Variants in FLNB observed in about 807,000 individuals in gnomAD.
The protein encoded by FLNB is filamin B, also known as filamin-B.
In FLNB, 111 loss-of-function variants were observed where a neutral mutation model predicts 250.6. The ratio of observed to expected loss-of-function variants is 0.44; its 90% CI spans 0.38 to 0.52. The LOEUF (loss-of-function observed/expected upper bound fraction) is 0.52. Ranked by LOEUF, FLNB falls within the 20% of genes least tolerant of loss-of-function variation. FLNB has a pLI of 0.00. For missense variants in FLNB, 2,869 were observed against 3,447.8 expected (o/e 0.83, Z 4.20); for synonymous variants, 1,302 against 1,372.1 (o/e 0.95, Z 1.13).
intron 27 of FLNB, among the ~76,000 whole-genome samples, chr3:58,135,595 T>C (rs112135567): frequency 0.014 from 2,163 of 152,290 alleles, 55 homozygotes; most frequent in African/African-American, 0.049. Flanking sequence ...TGCTAGGAAG[T>C]GGATTCCCAT....
intron 4 of FLNB, 80 bp from the exon 5 acceptor site, chr3:58,094,755 TC>T: frequency 8.6e-7 from 1 of 1,165,542 alleles, no homozygotes. Flanking sequence ...ATCTCTCAGT[TC>T]CCTGAAAGAG....
chr3:58,112,043 G>A, intron 17 of FLNB, 106 bp from the exon 18 acceptor site: 2 of 1,249,272 alleles, frequency 1.6e-6, no homozygotes, highest in Non-Finnish European at 1.2e-6. Flanking sequence ...CAGGCCCGTT[G>A]CTGGCTGTCA....
rs374686904 is a variant in FLNB at position 58,148,728 on chromosome 3, C to T, written c.5967C>T (p.Pro1989=). 4.3e-5 allele frequency: 69 copies of T among 1,613,970 alleles called. No individual in the cohort carries two copies. The highest frequency in any genetic ancestry group is 1.5e-4 in the South Asian group (14 of 91,080). The change falls in exon 36 of 46, where the codon CCC becomes CCT. Residue 1989 remains proline (P), a synonymous_variant. Transcript: ENST00000295956. The part of the protein sequence containing the change: ...KKNGNHVANS[P]VSIMVVQSEI... ...ATGGCAACCATGTGGCCAACAGCCC[C>T]GTGTCTATCATGGTGGTCCAGTCGG...
intron 37 of FLNB, 38 bp downstream of exon 37, chr3:58,150,040 G>A: frequency 1.2e-6 from 2 of 1,614,280 alleles, no homozygotes; most frequent in Non-Finnish European, 1.7e-6. Flanking sequence ...GGGATGCTTG[G>A]GTTTTCTGTA....
chr3:58,021,950 ATTT>A (rs1420853519), intron 1 of FLNB, among the ~76,000 whole-genome samples: 1 of 151,828 alleles, frequency 6.6e-6, no homozygotes, highest in African/African-American at 2.4e-5. Flanking sequence ...CTAATTTTGT[ATTT>A]TTTGTAGATT....
At chr3:58,102,168 GAA>G (rs755995764) in intron 8 of FLNB, 33 bp from the exon 9 acceptor site, 2 of 1,613,858 alleles carry the variant, frequency 1.2e-6, no homozygotes, top group Non-Finnish European at 1.7e-6. Flanking sequence ...ACTAAAGAAT[GAA>G]AGATTGAATT....
At chr3:58,100,196 T>C (rs1049618663) in intron 8 of FLNB, among the ~76,000 whole-genome samples, 3 of 151,996 alleles carry the variant, frequency 2.0e-5, no homozygotes, top group Admixed American at 6.6e-5. Flanking sequence ...TAAGAGAGCA[T>C]TTTGAATAGC....
Position 58,110,175 on chromosome 3 carries a change from G to C in FLNB, c.2484+5G>C. Reference sequence around the variant, plus strand: ...AAAGTTCTCTTTGCATCTCAGGTACGTGGTGGGGCCTGGGAGGAGATGGGT... The same window carrying C: ...AAAGTTCTCTTTGCATCTCAGGTACCTGGTGGGGCCTGGGAGGAGATGGGT... On this transcript the variant is annotated splice_donor_5th_base_variant and intron_variant, in intron 16 of 45. Transcript: ENST00000295956. 6.2e-7 allele frequency: 1 copy of C among 1,614,190 alleles called. No homozygotes were observed. Among genetic ancestry groups the C allele is most frequent in the Non-Finnish European group, 8.5e-7 (1 of 1,180,004 alleles).
At position 58,008,595 on chromosome 3, in the gene FLNB, G is replaced by A. The variant is rs772777005; in HGVS notation, c.31G>A (p.Asp11Asn). 1.9e-6 allele frequency: 3 copies of A among 1,608,876 alleles called. No homozygotes were observed. The Admixed American group carries it at 5.1e-5, about 27-fold the overall frequency. Residue 11 changes from aspartate (D) to asparagine (N), a missense_variant, in exon 1 of 46, where the codon GAC becomes AAC. Around this residue, in one of 5 missense-constraint regions of FLNB, gnomAD observed 308 missense variants for 466.1 expected, o/e 0.66. Transcript: ENST00000295956. The stretch of plus-strand genomic sequence containing the variant: ...GGTAACCGAGAAGGATCTAGCTGAG[G>A]ACGCGCCTTGGAAGAAGATCCAGCA... MPVTEKDLAE[D>N]APWKKIQQNT...
intron 4 of FLNB, among the ~76,000 whole-genome samples, chr3:58,091,707 A>G (rs1455817291): frequency 6.6e-6 from 1 of 152,180 alleles, no homozygotes; most frequent in East Asian, 1.9e-4. Flanking sequence ...TCAAAGACTC[A>G]ACATGGTACA....
chr3:58,035,401 T>C (rs1248056794), intron 1 of FLNB, among the ~76,000 whole-genome samples: 4 of 152,178 alleles, frequency 2.6e-5, no homozygotes, highest in South Asian at 2.1e-4. Flanking sequence ...TCTTAAAATA[T>C]CAGGTAACTT....
intron 1 of FLNB, among the ~76,000 whole-genome samples, chr3:58,072,432 C>T (rs1017736009): frequency 1.3e-5 from 2 of 152,188 alleles, no homozygotes; most frequent in African/African-American, 4.8e-5. Context: ...TAAGGTTCTG[C>T]TCCATGTTTT....
At chr3:58,084,191 CAAAA>C (rs771340069) in intron 4 of FLNB, among the ~76,000 whole-genome samples, 114 of 64,554 alleles carry the variant, frequency 1.8e-3, no homozygotes, top group African/African-American at 5.8e-3. Context: ...GACTCTGTCT[CAAAA>C]AAAAAAAAAA....
Position 58,137,778 on chromosome 3 carries a change from G to A in FLNB, c.4862-504G>A, listed in dbSNP as rs561511295. ...GCCCTTTGTCAGTGCGGCAACCCTG[G>A]GATATAAATTCTTAGAACCTTTGCC... On this transcript the variant is annotated intron_variant, in intron 28 of 45. Transcript: ENST00000295956. Among the ~76,000 whole-genome samples the A allele has an allele frequency of 6.2e-4, 95 of 152,174 alleles. 1 individual carries two copies. In the Middle Eastern group the frequency reaches 0.031, roughly 49 times the overall value.
intron 1 of FLNB, among the ~76,000 whole-genome samples, chr3:58,017,081 G>A (rs979919022): frequency 2.0e-5 from 3 of 152,134 alleles, no homozygotes; most frequent in African/African-American, 4.8e-5. Flanking sequence ...CTGAGTCCAT[G>A]TACTGGGAAG....
intron 16 of FLNB, 29 bp downstream of exon 16, chr3:58,110,199 G>A (rs763931162): frequency 1.2e-6 from 2 of 1,612,898 alleles, no homozygotes; most frequent in Admixed American, 1.7e-5. Flanking sequence ...GAGGAGATGG[G>A]TGGAGTAGGC....
chr3:58,049,891 C>G (rs189320207), intron 1 of FLNB, among the ~76,000 whole-genome samples: 221 of 152,268 alleles, frequency 1.5e-3, no homozygotes, highest in South Asian at 2.3e-3. Context: ...GGCATCTACC[C>G]CTAGCTGCCC....
At chr3:58,086,519 C>T (rs1477168712) in intron 4 of FLNB, among the ~76,000 whole-genome samples, 1 of 152,110 alleles carries the variant, frequency 6.6e-6, no homozygotes, top group Non-Finnish European at 1.5e-5. Context: ...TCTTACTGAG[C>T]AGTGTGGGAA....
intron 18 of FLNB, among the ~76,000 whole-genome samples, chr3:58,118,470 C>T (rs191293482): frequency 4.6e-5 from 7 of 152,254 alleles, no homozygotes; most frequent in African/African-American, 1.7e-4. Context: ...AGGCCCAGCT[C>T]GCACCCTTAC....
Sources: gnomAD v4.1 joint callset for allele counts (sites outside exome capture counted in the v4.1 genomes callset) on GRCh38, gnomAD v4.1.1 for gene constraint, gnomAD v4.1.1 regional missense constraint, MANE v1.5 for transcripts, NCBI Gene and HGNC (gene_info 2026-07-23, HGNC 2026-07-21) for gene names.